The following AMOTL1 variants were observed in gnomAD, a reference collection of about 807,000 sequenced individuals.
AMOTL1 encodes the protein angiomotin-like protein 1.
AMOTL1 carries 45 observed loss-of-function variants against 102.9 expected under a neutral mutation model. The ratio of observed to expected loss-of-function variants is 0.44; its 90% confidence interval spans 0.34 to 0.56. The LOEUF (loss-of-function observed/expected upper bound fraction) is 0.56, where lower values mean the gene tolerates loss of function less well. Ranked by LOEUF, AMOTL1 falls within the 20% of genes least tolerant of loss-of-function variation. The pLI is 0.01. For synonymous variants in AMOTL1, 481 were observed against 484.7 expected (o/e 0.99, Z 0.10); for missense variants, 1,114 against 1,225.6 (o/e 0.91, Z 1.36).
chr11:94,764,356 G>A (rs1464127226), upstream of AMOTL1, among the ~76,000 whole-genome samples: 4 of 152,122 alleles, frequency 2.6e-5, no homozygotes, highest in Non-Finnish European at 5.9e-5. Context: ...ATTTGGAGGT[G>A]GAACATGAGG....
chr11:94,770,065 C>T (rs1950923244), intron 1 of AMOTL1, among the ~76,000 whole-genome samples: 1 of 152,186 alleles, frequency 6.6e-6, no homozygotes, highest in Admixed American at 6.5e-5. Flanking sequence ...ATCATGGCTC[C>T]CTGCTTCCAA....
In AMOTL1 at chr11:94,864,729, T is replaced by G; in HGVS notation, c.2136-6T>G. 6.2e-7 allele frequency: 1 copy of G among 1,612,612 alleles called. No individual in the cohort carries two copies. Among genetic ancestry groups the G allele is most frequent in the Non-Finnish European group, 8.5e-7 (1 of 1,179,070 alleles). On this transcript the variant is annotated splice_polypyrimidine_tract_variant and splice_region_variant and intron_variant, in intron 9 of 12. Transcript: ENST00000433060. ...TATGATCAAACGCATATCCTTGTGT[T>G]GCCAGGGACACCACGATCATCAACC...
Position 94,875,954 on chromosome 11 carries a change from G to C in AMOTL1, c.*5159G>C, listed in dbSNP as rs533043. 6.6e-6 allele frequency: 1 copy of C among 152,520 alleles called. No individual in the cohort carries two copies. Among genetic ancestry groups the C allele is most frequent in the East Asian group, 1.9e-4 (1 of 5,198 alleles). The allele number at this position is 152,520 out of a possible 1,614,324, so 9.4% of individuals were successfully genotyped here. A position where few individuals can be genotyped will look rare whatever the true frequency, so the allele number is the denominator to read the frequency against. The stretch of plus-strand genomic sequence containing the variant: ...ATTCTGTAAAACTGTGTTTACTTTA[G>C]TGCATGTTATTGTCATGTTATGATG... On this transcript the variant is annotated 3_prime_UTR_variant, in exon 13 of 13. Coordinates refer to ENST00000433060, the MANE Select transcript of AMOTL1 (RefSeq NM_130847.3).
At chr11:94,814,557 A>G (rs1951734821) in intron 3 of AMOTL1, among the ~76,000 whole-genome samples, 1 of 152,198 alleles carries the variant, frequency 6.6e-6, no homozygotes, top group Non-Finnish European at 1.5e-5. Flanking sequence ...ATTTCACAGA[A>G]AATCATACCA....
At chr11:94,727,471 G>A (rs1292571008) in intron 1 of AMOTL1, among the ~76,000 whole-genome samples, 2 of 152,144 alleles carry the variant, frequency 1.3e-5, no homozygotes, top group Non-Finnish European at 2.9e-5. Flanking sequence ...CACCTCTTGT[G>A]TGCTGATGTC....
intron 6 of AMOTL1, among the ~76,000 whole-genome samples, chr11:94,833,767 A>G (rs1000711006): frequency 4.6e-5 from 7 of 152,208 alleles, no homozygotes; most frequent in Non-Finnish European, 7.3e-5. Flanking sequence ...GAGGTCATGA[A>G]CTAAGCCAGT....
intron 2 of AMOTL1, among the ~76,000 whole-genome samples, chr11:94,734,273 A>G (rs1224484744): frequency 6.6e-6 from 1 of 152,166 alleles, no homozygotes; most frequent in Non-Finnish European, 1.5e-5. Context: ...CTTCCTATGG[A>G]GCCCACTCCT....
At chr11:94,864,427 A>C (rs746803271) in intron 9 of AMOTL1, among the ~76,000 whole-genome samples, 3 of 152,126 alleles carry the variant, frequency 2.0e-5, no homozygotes, top group Non-Finnish European at 4.4e-5. Context: ...GCTTAATTCT[A>C]TCTAGTTAAG....
Position 94,707,248 on chromosome 11 carries a change from C to CTGTGTG in AMOTL1, c.-51+652_-51+653insGTGTGT, listed in dbSNP as rs1225814157. Among the ~76,000 whole-genome samples, 280 of 65,904 alleles carry CTGTGTG rather than the reference C, an allele frequency of 4.2e-3. 1 individual carries two copies. Among genetic ancestry groups the CTGTGTG allele is most frequent in the African/African-American group, 9.1e-3 (231 of 25,326 alleles). The allele number at this position is 65,904 out of a possible 152,430, so 43.2% of individuals were successfully genotyped here. ...TCTCTCTCTCTCTCTCTCTCTCTCT[C>CTGTGTG]TCTGTGTGTGTGTGTGTGTGTGTGT... On this transcript the variant is annotated intron_variant, in intron 1 of 4. Coordinates refer to the AMOTL1 transcript ENST00000299004.
At chr11:94,751,938 A>G (rs1270841393) in intron 3 of AMOTL1, among the ~76,000 whole-genome samples, 2 of 152,142 alleles carry the variant, frequency 1.3e-5, no homozygotes, top group African/African-American at 2.4e-5. Context: ...CCCAGAAACG[A>G]TATTTCATCA....
At chr11:94,766,668 G>C (rs1565343853), upstream of AMOTL1, among the ~76,000 whole-genome samples, 3 of 152,166 alleles carry the variant, frequency 2.0e-5, no homozygotes, top group African/African-American at 7.2e-5. Context: ...AACCACTTCA[G>C]CTCCTAATTT....
intron 1 of AMOTL1, among the ~76,000 whole-genome samples, chr11:94,789,222 A>G (rs1488770330): frequency 6.6e-6 from 1 of 152,096 alleles, no homozygotes; most frequent in Non-Finnish European, 1.5e-5. Flanking sequence ...GCAGTGGCGC[A>G]GTCTTGGCTC....
intron 3 of AMOTL1, among the ~76,000 whole-genome samples, chr11:94,752,011 A>G (rs1950662177): frequency 6.6e-6 from 1 of 152,216 alleles, no homozygotes; most frequent in Admixed American, 6.5e-5. Context: ...GTTCAAGGAT[A>G]CTATGATTAT....
chr11:94,853,376 A>T (rs1306888005), intron 7 of AMOTL1, among the ~76,000 whole-genome samples: 2 of 150,540 alleles, frequency 1.3e-5, no homozygotes, highest in African/African-American at 4.9e-5. Context: ...TTCAGCTCCC[A>T]CTTACGAGTG....
rs1311371871 is a variant in AMOTL1 at position 94,739,769 on chromosome 11, A to G, written c.86-1169A>G. On this transcript the variant is annotated intron_variant, in intron 2 of 4. Coordinates refer to the AMOTL1 transcript ENST00000299004. Reference sequence around the variant, plus strand: ...TCTCTCTGGAGCACACCCCAAGTCCAGCACCCTCGCCCCCTTAATGCAGAG... The same window carrying G: ...TCTCTCTGGAGCACACCCCAAGTCCGGCACCCTCGCCCCCTTAATGCAGAG... Among the ~76,000 whole-genome samples the G allele has an allele frequency of 2.6e-5, 4 of 152,290 alleles. No individual in the cohort carries two copies. In the East Asian group the frequency reaches 7.7e-4, roughly 29 times the overall value.
At chr11:94,792,680 G>A (rs528298967) in intron 1 of AMOTL1, among the ~76,000 whole-genome samples, 4 of 152,282 alleles carry the variant, frequency 2.6e-5, no homozygotes, top group African/African-American at 9.6e-5. Context: ...AGGACCCTGG[G>A]TGTGTGTGAA....
At chr11:94,818,828 G>A (rs573837308) in intron 3 of AMOTL1, among the ~76,000 whole-genome samples, 1 of 152,042 alleles carries the variant, frequency 6.6e-6, no homozygotes, top group African/African-American at 2.4e-5. Context: ...TAAAAATGAA[G>A]CTGTGCTTTC....
At chr11:94,831,419 A>G (rs1952068457) in intron 5 of AMOTL1, 33 bp from the exon 6 acceptor site, 4 of 1,541,382 alleles carry the variant, frequency 2.6e-6, no homozygotes, top group Non-Finnish European at 2.7e-6. Flanking sequence ...ATCCATATAC[A>G]TTTCTTTGTA....
At chr11:94,821,356 C>T (rs1310107612) in intron 3 of AMOTL1, among the ~76,000 whole-genome samples, 174 bp from the exon 4 acceptor site, 1 of 152,212 alleles carries the variant, frequency 6.6e-6, no homozygotes, top group African/African-American at 2.4e-5. Context: ...CGCTGTTTCC[C>T]CAATAGCCGG....
Sources: gnomAD v4.1 joint callset for allele counts (sites outside exome capture counted in the v4.1 genomes callset) on GRCh38, gnomAD v4.1.1 for gene constraint, MANE v1.5 for transcripts, NCBI Gene and HGNC (gene_info 2026-07-23, HGNC 2026-07-21) for gene names.